The following ADSS2 variants were observed in gnomAD, a reference collection of about 807,000 sequenced individuals.
ADSS2 encodes adenylosuccinate synthase 2, also known as adenylosuccinate synthetase isozyme 2.
Under a neutral mutation model 60.0 loss-of-function variants are expected in ADSS2, and 30 were observed. That is an observed-to-expected ratio of 0.50 (90% CI 0.37 to 0.68). The LOEUF is 0.68. Ranked by LOEUF, ADSS2 falls within the 30% of genes least tolerant of loss-of-function variation. The probability of loss-of-function intolerance (pLI) is 0.00; values close to 1 mark genes in which losing one functional copy is unlikely to be tolerated. For synonymous variants in ADSS2, 187 were observed against 193.1 expected, an observed-to-expected ratio of 0.97 and a Z score of 0.26; for missense variants, 373 against 554.8, an observed-to-expected ratio of 0.67 and a Z score of 3.29.
chr1:244,414,639 G>A (rs1279591151), intron 11 of ADSS2, among the ~76,000 whole-genome samples: 1 of 152,152 alleles, frequency 6.6e-6, no homozygotes, highest in Non-Finnish European at 1.5e-5. Flanking sequence ...GTTTCCCTAG[G>A]AAAGACAACA....
chr1:244,418,071 G>A (rs1269946770), intron 9 of ADSS2, among the ~76,000 whole-genome samples: 1 of 152,182 alleles, frequency 6.6e-6, no homozygotes. Context: ...TCCAAGAGCT[G>A]TAGTTTGATG....
At chr1:244,448,247 T>C (rs1261792454) in intron 1 of ADSS2, among the ~76,000 whole-genome samples, 2 of 152,232 alleles carry the variant, frequency 1.3e-5, no homozygotes, top group East Asian at 3.8e-4. Flanking sequence ...TCTTTCACCT[T>C]TTCTATTTCA....
chr1:244,442,894 A>G (rs1665281771), intron 1 of ADSS2, among the ~76,000 whole-genome samples: 1 of 152,206 alleles, frequency 6.6e-6, no homozygotes, highest in Non-Finnish European at 1.5e-5. Context: ...GTTCAAGGAG[A>G]GGTCACATAT....
At chr1:244,414,129 C>G (rs1415457795) in intron 11 of ADSS2, among the ~76,000 whole-genome samples, 1 of 152,100 alleles carries the variant, frequency 6.6e-6, no homozygotes, top group Non-Finnish European at 1.5e-5. Flanking sequence ...AGGATCAACA[C>G]TATTCAGAGG....
rs60576167 is a variant in ADSS2 at position 244,435,168 on chromosome 1, C to CAAAAAAAAAAAA, written c.355+1645_355+1656dup. On this transcript the variant is annotated intron_variant, in intron 3 of 12. Coordinates refer to ENST00000366535, the MANE Select transcript of ADSS2 (RefSeq NM_001126.5). ...GGGTGACAGAGAGAGACTCCGTCTCCAAAAAAAAAAAAAAAAAAAAAAAAA... is the reference window on the plus strand; with the variant it reads ...GGGTGACAGAGAGAGACTCCGTCTCCAAAAAAAAAAAAAAAAAAAAAAAAAAAAAAAAAAAAA... 1.1e-3 allele frequency among the ~76,000 whole-genome samples: 56 copies of CAAAAAAAAAAAA among 51,748 alleles called. 5 individuals carry two copies. Among genetic ancestry groups the CAAAAAAAAAAAA allele is most frequent in the African/African-American group, 3.8e-3 (46 of 12,008 alleles). 33.9% of individuals were successfully genotyped at this position (51,748 alleles called of 152,430 possible). A position where few individuals can be genotyped will look rare whatever the true frequency, so the allele number is the denominator to read the frequency against.
intron 1 of ADSS2, among the ~76,000 whole-genome samples, chr1:244,448,790 G>C (rs1402835048): frequency 6.6e-6 from 1 of 152,144 alleles, no homozygotes; most frequent in Non-Finnish European, 1.5e-5. Context: ...AAACGTATTA[G>C]ACTAGTACCT....
chr1:244,440,105 C>T (rs538755605), intron 1 of ADSS2, among the ~76,000 whole-genome samples: 1 of 152,270 alleles, frequency 6.6e-6, no homozygotes, highest in East Asian at 1.9e-4. Context: ...AAGTTAAAGC[C>T]AGGTACTGTG....
At chr1:244,434,180 A>C (rs1665024221) in intron 3 of ADSS2, among the ~76,000 whole-genome samples, 1 of 139,036 alleles carries the variant, frequency 7.2e-6, no homozygotes, top group South Asian at 2.3e-4. Flanking sequence ...CCATCTCTAC[A>C]AAAAAAAAAA....
intron 1 of ADSS2, among the ~76,000 whole-genome samples, chr1:244,442,860 T>C (rs1665281276): frequency 6.6e-6 from 1 of 152,198 alleles, no homozygotes; most frequent in Non-Finnish European, 1.5e-5. Flanking sequence ...CTCAGGCAAT[T>C]GTCCTCAAAC....
intron 1 of ADSS2, among the ~76,000 whole-genome samples, chr1:244,441,672 T>G (rs1665251601): frequency 6.6e-6 from 1 of 151,978 alleles, no homozygotes; most frequent in Admixed American, 6.6e-5. Context: ...AAACCAGTTT[T>G]TAGGCTGGGC....
At chr1:244,415,092 T>A (rs6666267) in intron 11 of ADSS2, among the ~76,000 whole-genome samples, 2 of 152,068 alleles carry the variant, frequency 1.3e-5, no homozygotes, top group Non-Finnish European at 2.9e-5. Context: ...TTTATGTGTT[T>A]TGTTAGTTTT....
At chr1:244,411,659 C>T (rs1442245534) in intron 11 of ADSS2, among the ~76,000 whole-genome samples, 1 of 152,136 alleles carries the variant, frequency 6.6e-6, no homozygotes, top group Non-Finnish European at 1.5e-5. Flanking sequence ...TGATCATTTG[C>T]TATAAGAGGA....
Position 244,416,052 on chromosome 1 carries a change from A to G in ADSS2, c.1097T>C (p.Leu366Ser). 1 of 1,613,818 alleles carries G rather than the reference A, an allele frequency of 6.2e-7. No homozygotes were observed. Among genetic ancestry groups the G allele is most frequent in the Non-Finnish European group, 8.5e-7 (1 of 1,179,886 alleles). Residue 366 changes from leucine (L) to serine (S), a missense_variant, in exon 11 of 13, where the codon TTG becomes TCG. By Grantham distance (145) the Leu-to-Ser change is moderately radical. Coordinates refer to ENST00000366535, the MANE Select transcript of ADSS2 (RefSeq NM_001126.5). Reference sequence around the variant, plus strand: ...AACTTTGATTTCCGTAAACATGTCCAAAATATCCAACTTGGTAAGTGCCAA... The same window carrying G: ...AACTTTGATTTCCGTAAACATGTCCGAAATATCCAACTTGGTAAGTGCCAA... ...TALALTKLDI[L>S]DMFTEIKVGV...
Position 244,435,162 on chromosome 1 carries a change from C to T in ADSS2, c.355+1663G>A, listed in dbSNP as rs112541241. ...CAGCCTGGGTGACAGAGAGAGACTC[C>T]GTCTCCAAAAAAAAAAAAAAAAAAA... On this transcript the variant is annotated intron_variant, in intron 3 of 12. Coordinates refer to ENST00000366535, the MANE Select transcript of ADSS2 (RefSeq NM_001126.5). Among the ~76,000 whole-genome samples, 584 of 87,028 alleles carry T rather than the reference C, an allele frequency of 6.7e-3. 14 individuals are homozygous for T. The highest frequency in any genetic ancestry group is 0.03 in the African/African-American group (452 of 15,308). 57.1% of individuals were successfully genotyped at this position (87,028 alleles called of 152,430 possible). A position where few individuals can be genotyped will look rare whatever the true frequency, so the allele number is the denominator to read the frequency against.
At position 244,432,531 on chromosome 1, in the gene ADSS2, T is replaced by C. The variant is rs1338633853; in HGVS notation, c.406+14A>G. The C allele has an allele frequency of 6.5e-7, 1 of 1,526,924 alleles. No homozygotes were observed. The allele number at this position is 1,526,924 out of a possible 1,614,324, so 94.6% of individuals were successfully genotyped here. On this transcript the variant is annotated intron_variant, in intron 4 of 12. Coordinates refer to ENST00000366535, the MANE Select transcript of ADSS2 (RefSeq NM_001126.5). ...AAAAGATAGTTACAAATAAATGCAATATATCCACCTTACCAATATGAGCTC... is the reference window on the plus strand; with the variant it reads ...AAAAGATAGTTACAAATAAATGCAACATATCCACCTTACCAATATGAGCTC...
intron 5 of ADSS2, 38 bp from the exon 6 acceptor site, chr1:244,424,098 GAAAGATGTAGGTC>G: frequency 6.5e-7 from 1 of 1,545,188 alleles, no homozygotes; most frequent in African/African-American, 1.4e-5. Flanking sequence ...AGTCAGACAA[GAAAGATGTAGGTC>G]TCCTGGTCAG....
intron 11 of ADSS2, among the ~76,000 whole-genome samples, chr1:244,414,704 T>G (rs756972637): frequency 1.2e-4 from 18 of 152,222 alleles, no homozygotes; most frequent in Non-Finnish European, 2.1e-4. Context: ...TTTACCCTCT[T>G]TAAGCACTCT....
At chr1:244,439,726 A>C (rs1665191362) in intron 1 of ADSS2, among the ~76,000 whole-genome samples, 1 of 152,164 alleles carries the variant, frequency 6.6e-6, no homozygotes, top group African/African-American at 2.4e-5. Context: ...GACTTGCCCA[A>C]GAACTGTAGT....
At chr1:244,429,613 C>T (rs994314881) in intron 4 of ADSS2, among the ~76,000 whole-genome samples, 8 of 152,096 alleles carry the variant, frequency 5.3e-5, no homozygotes, top group East Asian at 1.9e-4. Flanking sequence ...TGTTTCTGGC[C>T]GGGCCGTGGC....
Sources: allele counts gnomAD v4.1 joint callset (sites outside exome capture counted in the v4.1 genomes callset), GRCh38; gene constraint gnomAD v4.1.1; transcripts MANE v1.5; gene names NCBI Gene and HGNC (gene_info 2026-07-23, HGNC 2026-07-21).